The following CPQ variants were observed in gnomAD, a reference collection of about 807,000 sequenced individuals.
The protein encoded by CPQ is Ser-Met dipeptidase.
CPQ carries 37 observed loss-of-function variants against 45.7 expected under a neutral mutation model. That is an observed-to-expected ratio of 0.81 (90% CI 0.62 to 1.07). The LOEUF (loss-of-function observed/expected upper bound fraction) is 1.07, where lower values mean the gene tolerates loss of function less well. Ranked by LOEUF, CPQ falls within the 50% of genes least tolerant of loss-of-function variation. The probability of loss-of-function intolerance (pLI) is 0.00; values close to 1 mark genes in which losing one functional copy is unlikely to be tolerated. For synonymous variants in CPQ, 186 were observed against 205.8 expected (o/e 0.90, Z 0.82); for missense variants, 537 against 572.9 (o/e 0.94, Z 0.64).
intron 1 of CPQ, among the ~76,000 whole-genome samples, chr8:96,743,549 A>C (rs1420921811): frequency 6.6e-6 from 1 of 151,748 alleles, no homozygotes; most frequent in Non-Finnish European, 1.5e-5. Flanking sequence ...GAGGAGAGGC[A>C]CTCTGCTTTT....
At chr8:96,663,238 G>A (rs924338042) in intron 1 of CPQ, among the ~76,000 whole-genome samples, 12 of 152,208 alleles carry the variant, frequency 7.9e-5, no homozygotes, top group Admixed American at 3.9e-4. Flanking sequence ...AGAATAATGG[G>A]AGGCTGTGTG....
chr8:96,815,367 G>A (rs1811214697), intron 2 of CPQ, among the ~76,000 whole-genome samples: 1 of 152,046 alleles, frequency 6.6e-6, no homozygotes, highest in South Asian at 2.1e-4. Context: ...AAACAACATT[G>A]CTGTGATTTT....
At chr8:97,076,782 C>A (rs1243413383) in intron 7 of CPQ, among the ~76,000 whole-genome samples, 1 of 151,998 alleles carries the variant, frequency 6.6e-6, no homozygotes, top group African/African-American at 2.4e-5. Flanking sequence ...TAATTATCTC[C>A]CTTTTTATGA....
intron 7 of CPQ, among the ~76,000 whole-genome samples, chr8:97,116,617 C>A (rs1027318629): frequency 4.6e-5 from 7 of 152,108 alleles, no homozygotes; most frequent in African/African-American, 1.7e-4. Flanking sequence ...CTGGTATTTT[C>A]TTTTAACTTT....
At chr8:97,070,904 G>T (rs916116037) in intron 7 of CPQ, among the ~76,000 whole-genome samples, 4 of 152,074 alleles carry the variant, frequency 2.6e-5, no homozygotes, top group African/African-American at 9.7e-5. Context: ...TCACCAATGA[G>T]GTATAATCCA....
chr8:96,915,054 G>A (rs948453524), intron 4 of CPQ, among the ~76,000 whole-genome samples: 18 of 152,100 alleles, frequency 1.2e-4, no homozygotes, highest in South Asian at 2.1e-4. Flanking sequence ...AGGGTTATCC[G>A]TTTTACCTGC....
intron 5 of CPQ, among the ~76,000 whole-genome samples, chr8:96,998,005 A>C (rs1056274209): frequency 6.6e-6 from 1 of 151,982 alleles, no homozygotes; most frequent in Admixed American, 6.6e-5. Context: ...TGGCTTTTTC[A>C]CATAATTTTA....
intron 4 of CPQ, among the ~76,000 whole-genome samples, chr8:96,888,761 T>C (rs1341152657): frequency 1.3e-5 from 2 of 152,226 alleles, no homozygotes; most frequent in Non-Finnish European, 1.5e-5. Context: ...TCACAGAGTA[T>C]CTTAACATAA....
rs181215711 is a variant in CPQ, at chr8:96,779,599, T to C, written c.-34-5265T>C. 3.7e-3 allele frequency among the ~76,000 whole-genome samples: 566 copies of C among 152,266 alleles called. 8 individuals are homozygous for C. The highest frequency in any genetic ancestry group is 0.011 in the Admixed American group (172 of 15,290). ...ATGGACTAGGGATCACTAAGCTCTC[T>C]TTTATCTCTACAATGGTGTCATTAT... On this transcript the variant is annotated intron_variant, in intron 1 of 7. Coordinates refer to ENST00000220763, the MANE Select transcript of CPQ (RefSeq NM_016134.4).
intron 6 of CPQ, among the ~76,000 whole-genome samples, chr8:97,056,696 C>T (rs1810460599): frequency 6.6e-6 from 1 of 152,186 alleles, no homozygotes; most frequent in East Asian, 1.9e-4. Context: ...AAGCTCTGAT[C>T]CTCTCTTGGA....
chr8:96,980,494 A>G (rs1813874457), intron 5 of CPQ, among the ~76,000 whole-genome samples: 1 of 152,168 alleles, frequency 6.6e-6, no homozygotes, highest in Non-Finnish European at 1.5e-5. Flanking sequence ...ATTTATCTTC[A>G]GTTCTTGATA....
At chr8:97,142,990 CACT>C (rs746502552) in intron 7 of CPQ, 27 bp from the exon 8 acceptor site, 2 of 1,609,538 alleles carry the variant, frequency 1.2e-6, no homozygotes, top group South Asian at 1.1e-5. Flanking sequence ...CAAAATACTC[CACT>C]AAGAATTCTT....
chr8:97,117,243 C>T (rs1811610424), intron 7 of CPQ, among the ~76,000 whole-genome samples: 1 of 152,192 alleles, frequency 6.6e-6, no homozygotes, highest in Non-Finnish European at 1.5e-5. Flanking sequence ...AGAAGTTGGA[C>T]AGCCCTCCTG....
intron 7 of CPQ, among the ~76,000 whole-genome samples, chr8:97,127,758 A>G (rs1442589323): frequency 2.0e-5 from 3 of 152,216 alleles, no homozygotes; most frequent in African/African-American, 7.2e-5. Flanking sequence ...CATTCACTAA[A>G]ATGTCCAAAA....
At chr8:96,726,545 G>T (rs2130766887) in intron 1 of CPQ, among the ~76,000 whole-genome samples, 1 of 152,162 alleles carries the variant, frequency 6.6e-6, no homozygotes, top group African/African-American at 2.4e-5. Context: ...GCAGGAACAG[G>T]AGCAAGAGGG....
At chr8:96,681,708 A>T (rs957781603) in intron 1 of CPQ, among the ~76,000 whole-genome samples, 14 of 152,174 alleles carry the variant, frequency 9.2e-5, no homozygotes, top group African/African-American at 3.4e-4. Flanking sequence ...TGCACCATGC[A>T]CCTGGAAAAG....
At chr8:96,886,028 G>A (rs557524806) in intron 4 of CPQ, among the ~76,000 whole-genome samples, 2 of 152,196 alleles carry the variant, frequency 1.3e-5, no homozygotes, top group South Asian at 4.1e-4. Context: ...TTCACTTTGT[G>A]AAAATAGCAG....
chr8:97,099,246 T>A (rs1452301927), intron 7 of CPQ, among the ~76,000 whole-genome samples: 4 of 147,672 alleles, frequency 2.7e-5, no homozygotes, highest in Non-Finnish European at 6.0e-5. Context: ...TCCTCCTGCC[T>A]CTGCCTCCTG....
chr8:96,892,867 A>T lies in CPQ; in HGVS notation c.849+12862A>T, dbSNP rs548683740. Among the ~76,000 whole-genome samples, 3 of 152,316 alleles carry T rather than the reference A, an allele frequency of 2.0e-5. No homozygotes were observed. The South Asian group carries it at 6.2e-4, about 32-fold the overall frequency. ...TGGGATTTTCAAGCAGGAGGATGTG[A>T]TCTTTCATAGGTCTGAACACCTTGC... On this transcript the variant is annotated intron_variant, in intron 4 of 7. Coordinates refer to ENST00000220763, the MANE Select transcript of CPQ (RefSeq NM_016134.4).
Sources: gnomAD v4.1 joint callset for allele counts (sites outside exome capture counted in the v4.1 genomes callset) on GRCh38, gnomAD v4.1.1 for gene constraint, MANE v1.5 for transcripts, NCBI Gene and HGNC (gene_info 2026-07-23, HGNC 2026-07-21) for gene names.